The following EXOC4 variants were observed in gnomAD, a reference collection of about 807,000 sequenced individuals.
The protein encoded by EXOC4 is SEC8-like 1.
A neutral mutation model predicts 107.2 loss-of-function variants in EXOC4; 71 were observed. The observed-to-expected ratio is 0.66, with a 90% CI of 0.55 to 0.81. The LOEUF (loss-of-function observed/expected upper bound fraction) is 0.81, where lower values mean the gene tolerates loss of function less well. Among genes scored for constraint, EXOC4 ranks in the 30% least tolerant of loss-of-function variants. The probability of loss-of-function intolerance (pLI) is 0.00; values close to 1 mark genes in which losing one functional copy is unlikely to be tolerated. For synonymous variants in EXOC4, 456 were observed against 441.2 expected (o/e 1.03, Z -0.42); for missense variants, 1,108 against 1,189.6 (o/e 0.93, Z 1.01).
intron 9 of EXOC4, among the ~76,000 whole-genome samples, chr7:133,626,122 G>A (rs1470415062): frequency 6.6e-6 from 1 of 152,008 alleles, no homozygotes; most frequent in Non-Finnish European, 1.5e-5. Context: ...CAGGAGAATC[G>A]CTTGAACCTG....
rs534607442 is a variant in EXOC4 at position 133,698,204 on chromosome 7, G to A, written c.1514+68063G>A. Reference sequence around the variant, plus strand: ...GCTCTCTGTATCAGTGCCTTTCCGCGGCGGGGGTGGTGGTGGGGGAATCCT... The same window carrying A: ...GCTCTCTGTATCAGTGCCTTTCCGCAGCGGGGGTGGTGGTGGGGGAATCCT... On this transcript the variant is annotated intron_variant, in intron 10 of 17. Transcript: ENST00000253861. Among the ~76,000 whole-genome samples, 7 of 152,132 alleles carry A rather than the reference G, an allele frequency of 4.6e-5. No individual in the cohort carries two copies. In the South Asian group the frequency reaches 8.3e-4, roughly 18 times the overall value.
At chr7:133,522,875 A>T (rs1800005920) in intron 9 of EXOC4, among the ~76,000 whole-genome samples, 1 of 152,150 alleles carries the variant, frequency 6.6e-6, no homozygotes, top group Non-Finnish European at 1.5e-5. Flanking sequence ...AGAATCTCTG[A>T]TATGACCATA....
At chr7:133,341,160 G>T (rs1554439094) in intron 5 of EXOC4, among the ~76,000 whole-genome samples, 1 of 152,016 alleles carries the variant, frequency 6.6e-6, no homozygotes, top group Non-Finnish European at 1.5e-5. Flanking sequence ...TTTTGATGTA[G>T]GTGTTCAACG....
chr7:133,979,774 C>T (rs896581374), intron 14 of EXOC4, among the ~76,000 whole-genome samples: 4 of 151,448 alleles, frequency 2.6e-5, no homozygotes, highest in South Asian at 2.1e-4. Flanking sequence ...GGCGACAGAG[C>T]GAGACTCCAT....
At chr7:133,279,512 A>G (rs1794080821) in intron 2 of EXOC4, among the ~76,000 whole-genome samples, 1 of 152,212 alleles carries the variant, frequency 6.6e-6, no homozygotes, top group South Asian at 2.1e-4. Flanking sequence ...GCTTGAGACC[A>G]CAGAACTGTT....
chr7:133,321,347 A>G (rs1795107273), intron 5 of EXOC4, among the ~76,000 whole-genome samples: 1 of 151,950 alleles, frequency 6.6e-6, no homozygotes, highest in African/African-American at 2.4e-5. Context: ...ATAGGTATAC[A>G]CGTGCCATGG....
intron 11 of EXOC4, among the ~76,000 whole-genome samples, chr7:133,870,885 A>G (rs1798736474): frequency 1.3e-5 from 2 of 152,116 alleles, no homozygotes; most frequent in Admixed American, 1.3e-4. Flanking sequence ...TTTCCTAGCC[A>G]TGGTAAATTT....
intron 11 of EXOC4, 94 bp from the exon 12 acceptor site, chr7:133,895,505 G>A (rs559663397): frequency 7.8e-7 from 1 of 1,283,506 alleles, no homozygotes; most frequent in East Asian, 2.4e-5. Flanking sequence ...GAGAGCTCAG[G>A]TACCTTAAAT....
chr7:134,051,449 G>A (rs192076635), intron 17 of EXOC4, among the ~76,000 whole-genome samples: 1 of 152,290 alleles, frequency 6.6e-6, no homozygotes, highest in Non-Finnish European at 1.5e-5. Context: ...GAGGCAGGTG[G>A]ATCATGAGGT....
At chr7:133,312,018 A>T (rs1242499353) in intron 4 of EXOC4, among the ~76,000 whole-genome samples, 1 of 152,160 alleles carries the variant, frequency 6.6e-6, no homozygotes, top group African/African-American at 2.4e-5. Flanking sequence ...TTGGAAAATA[A>T]ATTTGCATAT....
chr7:133,259,335 C>T (rs1011436707), intron 1 of EXOC4, among the ~76,000 whole-genome samples: 4 of 150,752 alleles, frequency 2.7e-5, no homozygotes, highest in East Asian at 2.0e-4. Context: ...TGGGTTCAAG[C>T]GATTCTCCTG....
chr7:133,442,513 G>C (rs774399621), intron 7 of EXOC4, among the ~76,000 whole-genome samples: 10 of 152,170 alleles, frequency 6.6e-5, no homozygotes, highest in Non-Finnish European at 1.3e-4. Flanking sequence ...GGATGAAGCA[G>C]GCTGAAACAC....
chr7:133,608,099 A>G (rs1439857525), intron 9 of EXOC4, among the ~76,000 whole-genome samples: 12 of 152,126 alleles, frequency 7.9e-5, no homozygotes, highest in South Asian at 2.1e-4. Flanking sequence ...TCATAATAGA[A>G]TTTTCCTGGG....
At chr7:133,984,977 GTTTGGTTTTTACTC>G (rs1287344261) in intron 14 of EXOC4, among the ~76,000 whole-genome samples, 2 of 152,170 alleles carry the variant, frequency 1.3e-5, no homozygotes, top group African/African-American at 4.8e-5. Context: ...AAGCAGCAGA[GTTTGGTTTTTACTC>G]TTTTTTGGGA....
intron 5 of EXOC4, among the ~76,000 whole-genome samples, chr7:133,353,955 T>G (rs549212779): frequency 6.6e-6 from 1 of 152,210 alleles, no homozygotes; most frequent in African/African-American, 2.4e-5. Flanking sequence ...CAAGAATTTC[T>G]TATTCTTTTT....
intron 10 of EXOC4, among the ~76,000 whole-genome samples, chr7:133,804,414 A>G (rs1352889114): frequency 6.6e-6 from 1 of 152,170 alleles, no homozygotes; most frequent in Admixed American, 6.5e-5. Flanking sequence ...CAGTTAATCA[A>G]GTGATAGTAA....
At chr7:133,262,002 T>G (rs886680790) in intron 1 of EXOC4, among the ~76,000 whole-genome samples, 2 of 152,194 alleles carry the variant, frequency 1.3e-5, no homozygotes, top group African/African-American at 4.8e-5. Flanking sequence ...TCTCCATTAC[T>G]GCCCTGCAGA....
chr7:133,273,074 G>T (rs1024786385), intron 1 of EXOC4, among the ~76,000 whole-genome samples: 6 of 152,204 alleles, frequency 3.9e-5, no homozygotes, highest in Non-Finnish European at 4.4e-5. Flanking sequence ...GGAAATAATA[G>T]AGTTAAACAT....
At chr7:133,951,564 C>G (rs1421514582) in intron 14 of EXOC4, among the ~76,000 whole-genome samples, 1 of 152,208 alleles carries the variant, frequency 6.6e-6, no homozygotes, top group Non-Finnish European at 1.5e-5. Flanking sequence ...CCCAAATCTG[C>G]CCTCTGTTTA....
Sources: gnomAD v4.1 joint callset for allele counts (sites outside exome capture counted in the v4.1 genomes callset) on GRCh38, gnomAD v4.1.1 for gene constraint, MANE v1.5 for transcripts, NCBI Gene and HGNC (gene_info 2026-07-23, HGNC 2026-07-21) for gene names.